The following FARS2 variants were observed in gnomAD, a reference collection of about 807,000 sequenced individuals.
FARS2 encodes the protein phenylalanyl-tRNA synthetase 2, mitochondrial, also known as phenylalanine--tRNA ligase, mitochondrial.
FARS2 carries 40 observed loss-of-function variants against 46.4 expected under a neutral mutation model. That is an observed-to-expected ratio of 0.86 (90% CI 0.67 to 1.12). The LOEUF (loss-of-function observed/expected upper bound fraction) is 1.12, where lower values mean the gene tolerates loss of function less well. Ranked by LOEUF, FARS2 falls within the 50% of genes most tolerant of loss-of-function variation. The pLI is 0.00. For synonymous variants in FARS2, 234 were observed against 214.9 expected (o/e 1.09, Z -0.78); for missense variants, 513 against 567.9 (o/e 0.90, Z 0.98).
chr6:5,448,120 TGA>T lies in FARS2; in HGVS notation c.904+16952_904+16953del, dbSNP rs10593530. ...GTGGTTGGGGTAGCCTAGGGGACAGTGAGAGTGCTGGTGGGAGGTAGATCCAG... is the reference window on the plus strand; with the variant it reads ...GTGGTTGGGGTAGCCTAGGGGACAGTGAGTGCTGGTGGGAGGTAGATCCAG... On this transcript the variant is annotated intron_variant, in intron 4 of 6. Transcript: ENST00000274680. Among the ~76,000 whole-genome samples, 968 of 152,214 alleles carry T rather than the reference TGA, an allele frequency of 6.4e-3. 15 individuals carry two copies. Among genetic ancestry groups the T allele is most frequent in the African/African-American group, 0.021 (890 of 41,534 alleles).
intron 4 of FARS2, among the ~76,000 whole-genome samples, chr6:5,484,042 G>A (rs1397069200): frequency 1.3e-5 from 2 of 152,312 alleles, no homozygotes; most frequent in African/African-American, 2.4e-5. Context: ...GTTTGAGGCT[G>A]CAGTGAGCTA....
At position 5,347,457 on chromosome 6, in the gene FARS2, T is replaced by C. The variant is rs115828925; in HGVS notation, c.-21-21093T>C. Among the ~76,000 whole-genome samples the C allele has an allele frequency of 3.9e-3, 599 of 152,288 alleles. 6 individuals carry two copies. Among genetic ancestry groups the C allele is most frequent in the African/African-American group, 0.014 (572 of 41,564 alleles). Reference sequence around the variant, plus strand: ...TGTCTGGTTTCCTTCACTTATCAAATGTTTTTGAGACCATTTGAGATTCAT... The same window carrying C: ...TGTCTGGTTTCCTTCACTTATCAAACGTTTTTGAGACCATTTGAGATTCAT... On this transcript the variant is annotated intron_variant, in intron 1 of 6. Transcript: ENST00000274680.
intron 5 of FARS2, among the ~76,000 whole-genome samples, chr6:5,607,724 G>A (rs55762144): frequency 0.21 from 31,551 of 151,896 alleles, 3,359 homozygotes; most frequent in Non-Finnish European, 0.22. Context: ...ACCATGACGC[G>A]TTTATACTAG....
chr6:5,515,890 A>T (rs1280178272), intron 4 of FARS2, among the ~76,000 whole-genome samples: 1 of 152,254 alleles, frequency 6.6e-6, no homozygotes, highest in Non-Finnish European at 1.5e-5. Context: ...AGTAATTTAT[A>T]TCATATTAAT....
At chr6:5,374,626 G>A (rs895707674) in intron 2 of FARS2, among the ~76,000 whole-genome samples, 1 of 151,886 alleles carries the variant, frequency 6.6e-6, no homozygotes, top group African/African-American at 2.4e-5. Flanking sequence ...ATCCCAACTA[G>A]ATAAGAAAGA....
At chr6:5,510,905 C>G (rs568725563) in intron 4 of FARS2, among the ~76,000 whole-genome samples, 11 of 152,276 alleles carry the variant, frequency 7.2e-5, no homozygotes, top group South Asian at 2.1e-4. Flanking sequence ...TGGGCTTTAC[C>G]GGTATGCAGA....
chr6:5,371,861 GAAT>G (rs1303450609), intron 2 of FARS2, among the ~76,000 whole-genome samples: 1 of 151,998 alleles, frequency 6.6e-6, no homozygotes, highest in Non-Finnish European at 1.5e-5. Context: ...CAGTATTCAT[GAAT>G]TTAAATGGGT....
intron 1 of FARS2, among the ~76,000 whole-genome samples, chr6:5,306,984 C>T (rs1479218529): frequency 6.6e-6 from 1 of 152,046 alleles, no homozygotes; most frequent in African/African-American, 2.4e-5. Context: ...ATCTAAGACC[C>T]CTCCAACAGA....
chr6:5,670,018 T>G (rs1289214606), intron 6 of FARS2, among the ~76,000 whole-genome samples: 1 of 152,236 alleles, frequency 6.6e-6, no homozygotes, highest in East Asian at 1.9e-4. Context: ...ATTCTTGATT[T>G]CTGTTCATAT....
At chr6:5,731,864 C>G (rs1760644054) in intron 6 of FARS2, among the ~76,000 whole-genome samples, 1 of 152,122 alleles carries the variant, frequency 6.6e-6, no homozygotes, top group African/African-American at 2.4e-5. Flanking sequence ...CTCTCAGTGT[C>G]CTGATGTGGT....
intron 3 of FARS2, among the ~76,000 whole-genome samples, chr6:5,428,983 A>G (rs542118184): frequency 2.6e-5 from 4 of 152,374 alleles, no homozygotes; most frequent in South Asian, 4.1e-4. Context: ...AAAAAGGAGT[A>G]CATTCTGTAT....
chr6:5,271,222 G>A (rs55754257), intron 1 of FARS2, among the ~76,000 whole-genome samples: 5,401 of 152,062 alleles, frequency 0.036, 133 homozygotes, highest in Non-Finnish European at 0.054. Flanking sequence ...CCTCTCTCTC[G>A]GTTATGGGAA....
At chr6:5,426,346 G>A (rs1040848113) in intron 3 of FARS2, among the ~76,000 whole-genome samples, 2 of 151,942 alleles carry the variant, frequency 1.3e-5, no homozygotes, top group African/African-American at 2.4e-5. Flanking sequence ...CACAAAATAC[G>A]TAATTTTTAG....
chr6:5,581,123 A>G (rs1259760971), intron 5 of FARS2, among the ~76,000 whole-genome samples: 1 of 152,240 alleles, frequency 6.6e-6, no homozygotes, highest in Admixed American at 6.5e-5. Context: ...AGCCATTTTC[A>G]CAACTGGATT....
chr6:5,507,876 C>T (rs1280245778), intron 4 of FARS2, among the ~76,000 whole-genome samples: 1 of 152,192 alleles, frequency 6.6e-6, no homozygotes, highest in Non-Finnish European at 1.5e-5. Context: ...CTGTTAAAAC[C>T]TGACGATCCA....
intron 1 of FARS2, among the ~76,000 whole-genome samples, chr6:5,367,119 A>G (rs1561988414): frequency 1.3e-5 from 2 of 152,230 alleles, no homozygotes; most frequent in African/African-American, 2.4e-5. Flanking sequence ...CAGCCATTCA[A>G]CTTGCAGCTA....
intron 1 of FARS2, among the ~76,000 whole-genome samples, chr6:5,290,541 T>C (rs1767430861): frequency 6.6e-6 from 1 of 152,238 alleles, no homozygotes; most frequent in African/African-American, 2.4e-5. Context: ...TAAAGCAGAA[T>C]GTGCTAAATG....
chr6:5,643,001 C>CGAG (rs1184048900), intron 6 of FARS2, among the ~76,000 whole-genome samples: 6 of 152,224 alleles, frequency 3.9e-5, no homozygotes, highest in Non-Finnish European at 5.9e-5. Context: ...AACACAGCCT[C>CGAG]TTCCCAGAGA....
intron 1 of FARS2, among the ~76,000 whole-genome samples, chr6:5,296,605 A>C (rs1189026340): frequency 6.6e-6 from 1 of 152,186 alleles, no homozygotes; most frequent in Non-Finnish European, 1.5e-5. Flanking sequence ...AGCCTCTGGC[A>C]ACCACCATTC....
Sources: gnomAD v4.1 joint callset for allele counts (sites outside exome capture counted in the v4.1 genomes callset) on GRCh38, gnomAD v4.1.1 for gene constraint, MANE v1.5 for transcripts, NCBI Gene and HGNC (gene_info 2026-07-23, HGNC 2026-07-21) for gene names.